The following DNM3 variants were observed in gnomAD, a reference collection of about 807,000 sequenced individuals.
DNM3 encodes the protein dynamin 3.
A neutral mutation model predicts 101.6 loss-of-function variants in DNM3; 47 were observed. The observed-to-expected ratio is 0.46, with a 90% CI of 0.37 to 0.59. The LOEUF is 0.59. Ranked by LOEUF, DNM3 falls within the 20% of genes least tolerant of loss-of-function variation. DNM3 has a pLI of 0.00. For synonymous variants in DNM3, 385 were observed against 387.9 expected, an observed-to-expected ratio of 0.99 and a Z score of 0.09; for missense variants, 849 against 1,085.7, an observed-to-expected ratio of 0.78 and a Z score of 3.06.
At chr1:171,973,807 G>GC (rs1054706071) in intron 2 of DNM3, among the ~76,000 whole-genome samples, 3 of 151,926 alleles carry the variant, frequency 2.0e-5, no homozygotes, top group Non-Finnish European at 4.4e-5. Context: ...GGGTCTACAG[G>GC]CATGTGCCAT....
In DNM3 at chr1:172,313,997, A is replaced by G. The variant is rs568839791; in HGVS notation, c.1881+5158A>G. Among the ~76,000 whole-genome samples, 4 of 111,298 alleles carry G rather than the reference A, an allele frequency of 3.6e-5. No individual in the cohort carries two copies. In the South Asian group the frequency reaches 1.1e-3, roughly 30 times the overall value. The allele number at this position is 111,298 out of a possible 152,430, so 73.0% of individuals were successfully genotyped here. ...GTGTGTGATGTTCCCCTCCCTGTTTACACTGTTGGTGGGAGTGTAAATTAG... is the reference window on the plus strand; with the variant it reads ...GTGTGTGATGTTCCCCTCCCTGTTTGCACTGTTGGTGGGAGTGTAAATTAG... On this transcript the variant is annotated intron_variant, in intron 16 of 20. Transcript: ENST00000627582.
At chr1:172,135,209 T>C (rs1412549833) in intron 14 of DNM3, among the ~76,000 whole-genome samples, 2 of 152,042 alleles carry the variant, frequency 1.3e-5, no homozygotes, top group African/African-American at 4.8e-5. Flanking sequence ...ATGCTAAGAG[T>C]TGCAGCAAAC....
intron 20 of DNM3, among the ~76,000 whole-genome samples, chr1:172,400,820 G>A (rs901116023): frequency 2.0e-5 from 3 of 152,108 alleles, no homozygotes; most frequent in Non-Finnish European, 4.4e-5. Context: ...TCAAACTTCA[G>A]TACTTTCTGG....
intron 16 of DNM3, among the ~76,000 whole-genome samples, chr1:172,317,414 CA>C (rs549929097): frequency 1.3e-5 from 2 of 151,154 alleles, no homozygotes; most frequent in African/African-American, 4.9e-5. Flanking sequence ...GAAATAGAGA[CA>C]AAAAAAATCC....
chr1:172,267,941 T>C (rs2062932705), intron 15 of DNM3, among the ~76,000 whole-genome samples: 1 of 152,186 alleles, frequency 6.6e-6, no homozygotes, highest in African/African-American at 2.4e-5. Context: ...CTCGATCTCC[T>C]GACCTCGTGA....
chr1:172,308,533 T>TTA (rs397964753), intron 15 of DNM3, among the ~76,000 whole-genome samples, 195 bp from the exon 16 acceptor site: 2 of 152,070 alleles, frequency 1.3e-5, no homozygotes, highest in African/African-American at 4.8e-5. Flanking sequence ...TGTGATTTTT[T>TTA]AAAAAATTAT....
chr1:171,928,248 C>T (rs1315052207), intron 2 of DNM3, among the ~76,000 whole-genome samples: 1 of 152,190 alleles, frequency 6.6e-6, no homozygotes, highest in African/African-American at 2.4e-5. Flanking sequence ...CCTCTCAACA[C>T]TCTGAAAGGG....
chr1:172,104,820 C>A (rs7541042), intron 13 of DNM3, among the ~76,000 whole-genome samples: 1 of 152,040 alleles, frequency 6.6e-6, no homozygotes, highest in African/African-American at 2.4e-5. Context: ...GTCTGAGATT[C>A]GTCATGGCAC....
Position 172,192,612 on chromosome 1 carries a change from T to C in DNM3, c.1660-60961T>C, listed in dbSNP as rs149488087. Reference sequence around the variant, plus strand: ...TCATTGTTCAATTCCCACCTATGAGTGAGAATGTGCAGTGTTTGGTTTTTT... The same window carrying C: ...TCATTGTTCAATTCCCACCTATGAGCGAGAATGTGCAGTGTTTGGTTTTTT... On this transcript the variant is annotated intron_variant, in intron 14 of 20. Transcript: ENST00000627582. Among the ~76,000 whole-genome samples the C allele has an allele frequency of 8.8e-3, 1,302 of 148,330 alleles. 17 individuals are homozygous for C. The highest frequency in any genetic ancestry group is 0.029 in the African/African-American group (1,169 of 40,292).
At chr1:171,875,554 C>T (rs1355107898) in intron 1 of DNM3, among the ~76,000 whole-genome samples, 1 of 152,102 alleles carries the variant, frequency 6.6e-6, no homozygotes, top group Non-Finnish European at 1.5e-5. Context: ...TGTGCCATAG[C>T]ATTTGAGAGC....
At chr1:172,172,940 A>C (rs2059016217) in intron 14 of DNM3, among the ~76,000 whole-genome samples, 1 of 151,848 alleles carries the variant, frequency 6.6e-6, no homozygotes, top group Admixed American at 6.6e-5. Flanking sequence ...TGGCCTTTTA[A>C]CCTCTTTTAG....
intron 1 of DNM3, among the ~76,000 whole-genome samples, chr1:171,870,448 C>CA (rs1047808510): frequency 5.9e-5 from 9 of 151,370 alleles, no homozygotes; most frequent in Non-Finnish European, 1.3e-4. Flanking sequence ...ATCTCAAAAA[C>CA]AAAAAAACAA....
intron 10 of DNM3, among the ~76,000 whole-genome samples, chr1:172,065,529 A>G (rs2051583015): frequency 6.6e-6 from 1 of 152,142 alleles, no homozygotes; most frequent in Non-Finnish European, 1.5e-5. Context: ...ACAAAAAATA[A>G]CTTGGAGGAC....
Position 171,922,123 on chromosome 1 carries a change from T to G in DNM3, c.235+302T>G, listed in dbSNP as rs2040218332. Among the ~76,000 whole-genome samples the G allele has an allele frequency of 2.2e-5, 3 of 135,812 alleles. No homozygotes were observed. In the South Asian group the frequency reaches 7.6e-4, roughly 35 times the overall value. 89.1% of individuals were successfully genotyped at this position (135,812 alleles called of 152,430 possible). A position where few individuals can be genotyped will look rare whatever the true frequency, so the allele number is the denominator to read the frequency against. On this transcript the variant is annotated intron_variant, in intron 2 of 20. Coordinates refer to ENST00000627582, the MANE Select transcript of DNM3 (RefSeq NM_015569.5). ...ACCACTAATACTCCTTTGGTATGCTTTGTGTGTGTGTGTGTGTGTGTGTGT... is the reference window on the plus strand; with the variant it reads ...ACCACTAATACTCCTTTGGTATGCTGTGTGTGTGTGTGTGTGTGTGTGTGT...
intron 16 of DNM3, among the ~76,000 whole-genome samples, chr1:172,318,805 A>G (rs992784521): frequency 6.6e-6 from 1 of 152,208 alleles, no homozygotes; most frequent in African/African-American, 2.4e-5. Context: ...GAAAATGGCC[A>G]TACTGCCCAA....
At chr1:171,942,742 T>C (rs12144607) in intron 2 of DNM3, among the ~76,000 whole-genome samples, 23,746 of 152,158 alleles carry the variant, frequency 0.16, 2,420 homozygotes, top group South Asian at 0.26. Context: ...AGTTTTTGTA[T>C]GTCACTAAGT....
chr1:172,007,922 T>C (rs1210805947), intron 4 of DNM3, among the ~76,000 whole-genome samples: 1 of 152,064 alleles, frequency 6.6e-6, no homozygotes, highest in East Asian at 1.9e-4. Flanking sequence ...CCAGCTTCAA[T>C]GTGTTTTTCA....
chr1:171,902,935 T>C (rs2038496093), intron 1 of DNM3, among the ~76,000 whole-genome samples: 1 of 152,112 alleles, frequency 6.6e-6, no homozygotes, highest in Non-Finnish European at 1.5e-5. Flanking sequence ...GGAAGATCGC[T>C]TTAGTCCATG....
intron 2 of DNM3, among the ~76,000 whole-genome samples, chr1:171,930,777 C>A (rs2040942299): frequency 6.6e-6 from 1 of 152,168 alleles, no homozygotes; most frequent in Non-Finnish European, 1.5e-5. Context: ...TTCAGTTGAG[C>A]GTGCTGTATT....
Sources: gnomAD v4.1 joint callset for allele counts (sites outside exome capture counted in the v4.1 genomes callset) on GRCh38, gnomAD v4.1.1 for gene constraint, MANE v1.5 for transcripts, NCBI Gene and HGNC (gene_info 2026-07-23, HGNC 2026-07-21) for gene names.